The following BACH2 variants were observed in gnomAD, a reference collection of about 807,000 sequenced individuals.
The protein encoded by BACH2 is transcription regulator protein BACH2.
Under a neutral mutation model 61.8 loss-of-function variants are expected in BACH2, and 5 were observed. The observed-to-expected ratio is 0.08, with a 90% CI of 0.04 to 0.17. The LOEUF (loss-of-function observed/expected upper bound fraction) is 0.17, where lower values mean the gene tolerates loss of function less well. Ranked by LOEUF, BACH2 falls within the 10% of genes least tolerant of loss-of-function variation. The probability of loss-of-function intolerance (pLI) is 1.00; values close to 1 mark genes in which losing one functional copy is unlikely to be tolerated. For synonymous variants in BACH2, 446 were observed against 440.1 expected, an observed-to-expected ratio of 1.01 and a Z score of -0.17; for missense variants, 824 against 1,091.1, an observed-to-expected ratio of 0.76 and a Z score of 3.45.
At chr6:89,969,050 CTTT>C (rs76254643) in intron 6 of BACH2, among the ~76,000 whole-genome samples, 9 of 113,950 alleles carry the variant, frequency 7.9e-5, no homozygotes, top group African/African-American at 9.9e-5. Context: ...AAAATGTAGT[CTTT>C]TTTTTTTTTT....
chr6:90,290,795 G>T (rs1772155076), intron 1 of BACH2, among the ~76,000 whole-genome samples: 1 of 152,180 alleles, frequency 6.6e-6, no homozygotes, highest in South Asian at 2.1e-4. Flanking sequence ...AGGGAGAATA[G>T]AAGATGGCCC....
At chr6:89,996,700 G>A (rs1776865788) in intron 6 of BACH2, among the ~76,000 whole-genome samples, 1 of 152,082 alleles carries the variant, frequency 6.6e-6, no homozygotes, top group Non-Finnish European at 1.5e-5. Context: ...TAAACTTCAT[G>A]AAAGAGATGG....
chr6:90,042,649 AC>A (rs1779593541), intron 5 of BACH2, among the ~76,000 whole-genome samples: 1 of 152,194 alleles, frequency 6.6e-6, no homozygotes, highest in African/African-American at 2.4e-5. Context: ...ACTCACATAT[AC>A]AATATCACAG....
chr6:89,970,813 A>G (rs1467101193), intron 6 of BACH2, among the ~76,000 whole-genome samples: 1 of 152,192 alleles, frequency 6.6e-6, no homozygotes, highest in Admixed American at 6.5e-5. Context: ...GCTGAAAGAC[A>G]GAAAAGACCA....
At chr6:90,189,926 G>A (rs946891687) in intron 4 of BACH2, among the ~76,000 whole-genome samples, 11 of 151,894 alleles carry the variant, frequency 7.2e-5, no homozygotes, top group Admixed American at 7.2e-4. Context: ...CTTTGGGGTA[G>A]GAATTGGTCT....
intron 4 of BACH2, among the ~76,000 whole-genome samples, chr6:90,149,774 C>T (rs891192732): frequency 7.9e-5 from 12 of 152,174 alleles, no homozygotes; most frequent in African/African-American, 2.9e-4. Flanking sequence ...TTCTAAAACA[C>T]AGCCTGCATC....
At chr6:90,182,814 G>A (rs978047935) in intron 4 of BACH2, among the ~76,000 whole-genome samples, 5 of 152,058 alleles carry the variant, frequency 3.3e-5, no homozygotes, top group South Asian at 2.1e-4. Flanking sequence ...CTTCACTCTC[G>A]CCTTTCCCCA....
At chr6:89,969,050 CTTTT>C (rs76254643) in intron 6 of BACH2, among the ~76,000 whole-genome samples, 2 of 113,956 alleles carry the variant, frequency 1.8e-5, no homozygotes, top group Admixed American at 9.5e-5. Context: ...AAAATGTAGT[CTTTT>C]TTTTTTTTTT....
At chr6:90,269,128 G>A (rs1370453667) in intron 2 of BACH2, among the ~76,000 whole-genome samples, 2 of 152,092 alleles carry the variant, frequency 1.3e-5, no homozygotes, top group Non-Finnish European at 2.9e-5. Context: ...GAATGAAGAT[G>A]CTAATAGCAA....
chr6:90,068,010 C>T (rs546819884), intron 5 of BACH2, among the ~76,000 whole-genome samples: 2 of 152,246 alleles, frequency 1.3e-5, no homozygotes, highest in East Asian at 3.9e-4. Context: ...GTGAATATAA[C>T]AAATATTTCT....
chr6:90,125,962 T>C (rs996642622), intron 4 of BACH2, among the ~76,000 whole-genome samples: 2 of 152,174 alleles, frequency 1.3e-5, no homozygotes, highest in African/African-American at 4.8e-5. Flanking sequence ...ATTCTCTGCA[T>C]ACAGTACAGC....
chr6:89,932,476 C>A lies in BACH2; in HGVS notation c.2458G>T (p.Val820Leu). ...PLEPRSQTVT[V>L]DFCQEMTDKC... ...TCAGTCATTTCCTGGCAGAAGTCCACGGTCACTGTTTGGCTCCTGGGTTCA... is the reference window on the plus strand; with the variant it reads ...TCAGTCATTTCCTGGCAGAAGTCCAAGGTCACTGTTTGGCTCCTGGGTTCA... Residue 820 changes from valine (V) to leucine (L), a missense_variant, in exon 9 of 9, where the codon GTG becomes TTG. Around this residue, in one of 8 missense-constraint regions of BACH2, gnomAD observed 135 missense variants for 142.7 expected, o/e 0.95. Coordinates refer to ENST00000257749, the MANE Select transcript of BACH2 (RefSeq NM_021813.4). 1 of 1,614,108 alleles carries A rather than the reference C, an allele frequency of 6.2e-7. No homozygotes were observed. The highest frequency in any genetic ancestry group is 8.5e-7 in the Non-Finnish European group (1 of 1,180,008).
chr6:90,040,535 C>T (rs7774207), intron 5 of BACH2, among the ~76,000 whole-genome samples: 46,844 of 149,946 alleles, frequency 0.31, 7,848 homozygotes, highest in East Asian at 0.68. Flanking sequence ...TTTTTTTTTA[C>T]ATGAACTTCA....
intron 4 of BACH2, among the ~76,000 whole-genome samples, chr6:90,192,421 CAATTAGTCACTTACAA>C (rs985654350): frequency 6.6e-6 from 1 of 151,688 alleles, no homozygotes; most frequent in Non-Finnish European, 1.5e-5. Context: ...ACATACAAAG[CAATTAGTCACTTACAA>C]AACCCACGTT....
intron 5 of BACH2, among the ~76,000 whole-genome samples, chr6:90,043,695 C>T (rs949905262): frequency 4.6e-5 from 7 of 152,182 alleles, no homozygotes; most frequent in Non-Finnish European, 1.0e-4. Context: ...TTGCATGTTC[C>T]GTTTCCACCC....
At chr6:90,092,306 A>ATC in intron 4 of BACH2, among the ~76,000 whole-genome samples, 2 of 133,774 alleles carry the variant, frequency 1.5e-5, no homozygotes, top group South Asian at 4.9e-4. Context: ...ATATATATAT[A>ATC]TATATATATA....
chr6:90,196,433 T>C (rs1012812989), intron 4 of BACH2, among the ~76,000 whole-genome samples: 14 of 152,218 alleles, frequency 9.2e-5, no homozygotes, highest in African/African-American at 3.1e-4. Context: ...GGGGAAATTA[T>C]TACAATGAAA....
chr6:90,146,275 T>C (rs1193348457), intron 4 of BACH2, among the ~76,000 whole-genome samples: 1 of 152,210 alleles, frequency 6.6e-6, no homozygotes, highest in African/African-American at 2.4e-5. Flanking sequence ...ATGACTCTGA[T>C]TCCTATGGCT....
intron 4 of BACH2, among the ~76,000 whole-genome samples, chr6:90,175,736 TAGAG>T (rs1301851780): frequency 2.0e-5 from 3 of 152,270 alleles, no homozygotes; most frequent in Middle Eastern, 3.4e-3. Context: ...CCTTTCTGGC[TAGAG>T]AGAGACTGTC....
Sources: allele counts gnomAD v4.1 joint callset (sites outside exome capture counted in the v4.1 genomes callset), GRCh38; gene constraint gnomAD v4.1.1; regional missense constraint gnomAD v4.1.1; transcripts MANE v1.5; gene names NCBI Gene and HGNC (gene_info 2026-07-23, HGNC 2026-07-21).